Variants in FAT3 observed in about 807,000 individuals in gnomAD.
FAT3 encodes the protein protocadherin Fat 3.
In FAT3, 95 loss-of-function variants were observed where a neutral mutation model predicts 310.2. The observed-to-expected ratio is 0.31, with a 90% CI of 0.26 to 0.36. FAT3 has a LOEUF of 0.36. FAT3 is among the 10% of genes least tolerant of loss of function. FAT3 has a pLI of 1.00. For missense variants in FAT3, 5,408 were observed against 5,715.6 expected, an observed-to-expected ratio of 0.95 and a Z score of 1.74; for synonymous variants, 2,314 against 2,192.9, an observed-to-expected ratio of 1.06 and a Z score of -1.54.
At chr11:92,685,127 C>G (rs540955757) in intron 3 of FAT3, among the ~76,000 whole-genome samples, 4 of 152,266 alleles carry the variant, frequency 2.6e-5, no homozygotes, top group East Asian at 1.9e-4. Flanking sequence ...GAAACATGGG[C>G]TGAGCCCTCT....
intron 4 of FAT3, among the ~76,000 whole-genome samples, chr11:92,749,638 G>A (rs1055279763): frequency 6.6e-6 from 1 of 152,060 alleles, no homozygotes; most frequent in Admixed American, 6.5e-5. Context: ...CTATGACGGA[G>A]GTAGGAAAAT....
Position 92,277,543 on chromosome 11 carries a change from A to G in FAT3, c.-18+52369A>G, listed in dbSNP as rs528031338. On this transcript the variant is annotated intron_variant, in intron 1 of 27. Coordinates refer to ENST00000525166, the MANE Select transcript of FAT3 (RefSeq NM_001367949.2). ...CACAGTTATAAAAAAGAATGAAATC[A>G]TGTCCTTTGCAGAAACATAGATGCA... Among the ~76,000 whole-genome samples, 13 of 152,304 alleles carry G rather than the reference A, an allele frequency of 8.5e-5. 1 individual carries two copies. In the South Asian group the frequency reaches 2.7e-3, roughly 32 times the overall value.
intron 2 of FAT3, among the ~76,000 whole-genome samples, chr11:92,478,942 TTC>T (rs1952128986): frequency 1.3e-5 from 1 of 77,488 alleles, no homozygotes; most frequent in African/African-American, 4.5e-5. Context: ...TTCTCTTTCT[TTC>T]TTTCTTTCTT....
intron 4 of FAT3, among the ~76,000 whole-genome samples, chr11:92,737,292 T>G (rs1834877174): frequency 6.6e-6 from 1 of 152,180 alleles, no homozygotes; most frequent in African/African-American, 2.4e-5. Context: ...TGATTTCCAT[T>G]CATCTGAGGT....
chr11:92,848,716 A>T (rs574891527), intron 19 of FAT3, among the ~76,000 whole-genome samples: 9 of 152,366 alleles, frequency 5.9e-5, no homozygotes, highest in Admixed American at 1.3e-4. Flanking sequence ...AATGAAATGG[A>T]TGGAGTGTTT....
chr11:92,608,720 C>CAATAGTAATAATAATAATAAT (rs1940421751), intron 3 of FAT3, among the ~76,000 whole-genome samples: 1 of 145,130 alleles, frequency 6.9e-6, no homozygotes, highest in African/African-American at 2.6e-5. Flanking sequence ...CTGAATTCAG[C>CAATAGTAATAATAATAATAAT]AATAATAATA....
chr11:92,786,216 T>C (rs1946889195), intron 7 of FAT3, among the ~76,000 whole-genome samples: 1 of 152,130 alleles, frequency 6.6e-6, no homozygotes, highest in Non-Finnish European at 1.5e-5. Flanking sequence ...TTAAAATGAA[T>C]GTGTTCATTT....
intron 3 of FAT3, among the ~76,000 whole-genome samples, chr11:92,577,818 GC>G (rs1306772089): frequency 6.6e-6 from 1 of 151,968 alleles, no homozygotes; most frequent in Non-Finnish European, 1.5e-5. Context: ...TTTGTGATAT[GC>G]AATTTTTTTC....
At chr11:92,654,102 T>C (rs916888806) in intron 3 of FAT3, among the ~76,000 whole-genome samples, 1 of 152,208 alleles carries the variant, frequency 6.6e-6, no homozygotes, top group African/African-American at 2.4e-5. Flanking sequence ...ATCCACTCAG[T>C]CAAAGGACTT....
intron 3 of FAT3, among the ~76,000 whole-genome samples, chr11:92,665,974 C>G (rs1418021877): frequency 2.0e-5 from 3 of 152,096 alleles, no homozygotes; most frequent in African/African-American, 7.2e-5. Flanking sequence ...AGTTTAAGAC[C>G]AGCCTGGACA....
intron 2 of FAT3, among the ~76,000 whole-genome samples, chr11:92,407,458 A>G (rs190640316): frequency 7.2e-5 from 11 of 152,320 alleles, no homozygotes; most frequent in African/African-American, 2.4e-4. Flanking sequence ...AACATGAATA[A>G]ATATTAAGAA....
At chr11:92,341,479 G>A (rs543947269) in intron 1 of FAT3, among the ~76,000 whole-genome samples, 3 of 152,302 alleles carry the variant, frequency 2.0e-5, no homozygotes, top group African/African-American at 2.4e-5. Context: ...CGGGAGAGCC[G>A]AAGGAACAAG....
intron 8 of FAT3, among the ~76,000 whole-genome samples, chr11:92,792,446 G>A (rs1947062136): frequency 6.6e-6 from 1 of 152,168 alleles, no homozygotes. Flanking sequence ...AAATAAGGGG[G>A]AGGCCACTAT....
At chr11:92,803,126 A>AG (rs964741825) in intron 10 of FAT3, among the ~76,000 whole-genome samples, 4 of 134,402 alleles carry the variant, frequency 3.0e-5, no homozygotes, top group African/African-American at 1.1e-4. Flanking sequence ...ATTTATTTTC[A>AG]GGAAAAAAAA....
chr11:92,489,745 A>C (rs943098845), intron 2 of FAT3, among the ~76,000 whole-genome samples: 1 of 152,140 alleles, frequency 6.6e-6, no homozygotes, highest in Non-Finnish European at 1.5e-5. Context: ...GGGTGTATCC[A>C]GAACTCAGCT....
intron 2 of FAT3, among the ~76,000 whole-genome samples, chr11:92,468,999 G>C (rs1435469517): frequency 6.6e-6 from 1 of 152,088 alleles, no homozygotes; most frequent in Non-Finnish European, 1.5e-5. Context: ...AAGGTGTCTT[G>C]TCATCTCAAA....
chr11:92,440,979 A>G (rs1444524141), intron 2 of FAT3, among the ~76,000 whole-genome samples: 2 of 152,174 alleles, frequency 1.3e-5, no homozygotes, highest in African/African-American at 2.4e-5. Flanking sequence ...TTGCAGCACT[A>G]AGATGCAATT....
intron 12 of FAT3, among the ~76,000 whole-genome samples, 154 bp downstream of exon 12, chr11:92,806,669 T>A (rs536274937): frequency 6.6e-6 from 1 of 152,278 alleles, no homozygotes; most frequent in South Asian, 2.1e-4. Flanking sequence ...GAATGTTTGC[T>A]GAAATGAACT....
chr11:92,435,327 C>G (rs1950901305), intron 2 of FAT3, among the ~76,000 whole-genome samples: 1 of 152,184 alleles, frequency 6.6e-6, no homozygotes. Context: ...AGGCTTTTCC[C>G]TGATGTCTTT....
Sources: allele counts gnomAD v4.1 joint callset (sites outside exome capture counted in the v4.1 genomes callset), GRCh38; gene constraint gnomAD v4.1.1; transcripts MANE v1.5; gene names NCBI Gene and HGNC (gene_info 2026-07-23, HGNC 2026-07-21).